RBFOX1: variants seen among roughly 807,000 people sequenced by gnomAD.
The protein encoded by RBFOX1 is RNA binding fox-1 homolog 1.
RBFOX1 carries 8 observed loss-of-function variants against 57.7 expected under a neutral mutation model. The observed-to-expected ratio is 0.14, with a 90% CI of 0.08 to 0.25. The LOEUF (loss-of-function observed/expected upper bound fraction) is 0.25, where lower values mean the gene tolerates loss of function less well. Among genes scored for constraint, RBFOX1 ranks in the 10% least tolerant of loss-of-function variants. The probability of loss-of-function intolerance (pLI) is 1.00; values close to 1 mark genes in which losing one functional copy is unlikely to be tolerated. For missense variants in RBFOX1, 611 were observed against 548.5 expected (o/e 1.11, Z -1.14); for synonymous variants, 326 against 222.4 (o/e 1.47, Z -4.15).
At chr16:6,394,507 C>CTT (rs35419519) in intron 2 of RBFOX1, among the ~76,000 whole-genome samples, 30 of 150,344 alleles carry the variant, frequency 2.0e-4, no homozygotes, top group Middle Eastern at 3.6e-3. Flanking sequence ...GGGAAAATTG[C>CTT]TTTTTTTTTG....
intron 2 of RBFOX1, among the ~76,000 whole-genome samples, chr16:6,546,513 T>C (rs944511455): frequency 3.9e-5 from 6 of 152,186 alleles, no homozygotes; most frequent in African/African-American, 7.2e-5. Context: ...CATATTGTGA[T>C]TGGCAGCTCC....
chr16:7,273,770 A>G (rs13329891), intron 4 of RBFOX1, among the ~76,000 whole-genome samples: 58,178 of 152,072 alleles, frequency 0.38, 12,536 homozygotes, highest in African/African-American at 0.58. Context: ...GATATTTGCC[A>G]TACCCATTTC....
chr16:5,884,546 C>A (rs544344941), intron 4 of RBFOX1, among the ~76,000 whole-genome samples: 2 of 150,322 alleles, frequency 1.3e-5, no homozygotes, highest in Admixed American at 1.3e-4. Context: ...GACCATGTGA[C>A]TGAGTTCTGC....
chr16:6,735,168 TCAACAA>T (rs1160248832), intron 3 of RBFOX1, among the ~76,000 whole-genome samples: 2 of 137,118 alleles, frequency 1.5e-5, no homozygotes, highest in Non-Finnish European at 3.1e-5. Context: ...AACAACAACA[TCAACAA>T]CAACAACATC....
chr16:7,020,378 C>T (rs1179025543), intron 3 of RBFOX1, among the ~76,000 whole-genome samples: 1 of 151,880 alleles, frequency 6.6e-6, no homozygotes, highest in East Asian at 2.0e-4. Flanking sequence ...GGCTGCCATG[C>T]CCAGCTACTT....
chr16:7,685,548 A>C (rs10492759), intron 14 of RBFOX1, among the ~76,000 whole-genome samples: 40,906 of 152,030 alleles, frequency 0.27, 5,767 homozygotes, highest in East Asian at 0.4. Context: ...CATGGTACTA[A>C]TTAGAATCAG....
chr16:7,480,512 T>C (rs1448073538), intron 4 of RBFOX1, among the ~76,000 whole-genome samples: 1 of 152,234 alleles, frequency 6.6e-6, no homozygotes, highest in East Asian at 1.9e-4. Flanking sequence ...TGTCACCGGC[T>C]CCGTTTAAAA....
intron 3 of RBFOX1, among the ~76,000 whole-genome samples, chr16:5,663,637 C>A (rs1431242472): frequency 1.3e-5 from 2 of 152,148 alleles, no homozygotes; most frequent in African/African-American, 4.8e-5. Flanking sequence ...ATGAAGGTAG[C>A]CAGCAGCTGT....
Position 7,579,818 on chromosome 16 carries a change from A to T in RBFOX1, c.312A>T (p.Thr104=), listed in dbSNP as rs1233185719. 2 of 1,614,114 alleles carry T rather than the reference A, an allele frequency of 1.2e-6. No homozygotes were observed. Among genetic ancestry groups the T allele is most frequent in the East Asian group, 2.2e-5 (1 of 44,860 alleles). The change falls in exon 6 of 16, where the codon ACA becomes ACT. Residue 104 remains threonine (T), a synonymous_variant. Transcript: ENST00000550418. ...CACCGACGGATGGCCAGCCCCAGAC[A>T]CAACCTTCTGAAAACACGGAAAACA... is the stretch of plus-strand genomic sequence containing the variant. The part of the protein sequence containing the change: ...DAAPTDGQPQ[T]QPSENTENKS...
At chr16:7,302,456 C>T (rs1010367976) in intron 4 of RBFOX1, among the ~76,000 whole-genome samples, 1 of 151,912 alleles carries the variant, frequency 6.6e-6, no homozygotes, top group African/African-American at 2.4e-5. Flanking sequence ...TTTGGGATGT[C>T]CCTGGTGGCC....
At chr16:6,789,068 C>T (rs968565966) in intron 3 of RBFOX1, among the ~76,000 whole-genome samples, 2 of 152,034 alleles carry the variant, frequency 1.3e-5, no homozygotes, top group African/African-American at 4.8e-5. Flanking sequence ...CGCGAAATTG[C>T]CTATTAAACA....
intron 1 of RBFOX1, among the ~76,000 whole-genome samples, chr16:6,229,775 G>T (rs1001617774): frequency 1.3e-5 from 2 of 150,752 alleles, no homozygotes; most frequent in African/African-American, 4.9e-5. Flanking sequence ...CCTTTCCACT[G>T]TTGGAAAATG....
At chr16:5,982,655 C>T (rs185812076) in intron 4 of RBFOX1, among the ~76,000 whole-genome samples, 10 of 152,276 alleles carry the variant, frequency 6.6e-5, no homozygotes, top group African/African-American at 2.4e-4. Flanking sequence ...AAGTGGGCTC[C>T]TGCTGAAATC....
chr16:5,246,398 A>G (rs1371032602), intron 1 of RBFOX1, among the ~76,000 whole-genome samples: 1 of 152,230 alleles, frequency 6.6e-6, no homozygotes, highest in Non-Finnish European at 1.5e-5. Context: ...GTATGTATAC[A>G]TTACAAAATG....
chr16:7,088,437 G>C (rs1002936732), intron 4 of RBFOX1, among the ~76,000 whole-genome samples: 1 of 152,218 alleles, frequency 6.6e-6, no homozygotes, highest in Middle Eastern at 3.4e-3. Context: ...ATGTGTGTCC[G>C]TATGTGTGTA....
chr16:6,616,733 C>A (rs1255961540), intron 2 of RBFOX1, among the ~76,000 whole-genome samples: 1 of 152,182 alleles, frequency 6.6e-6, no homozygotes, highest in Admixed American at 6.5e-5. Context: ...CCATGCCCGG[C>A]AATAAGTTTT....
At chr16:6,585,100 A>G (rs2097588734) in intron 2 of RBFOX1, among the ~76,000 whole-genome samples, 1 of 152,152 alleles carries the variant, frequency 6.6e-6, no homozygotes, top group African/African-American at 2.4e-5. Context: ...CACTTTCATA[A>G]TACACAATGG....
At chr16:5,397,959 C>G (rs555012164) in intron 1 of RBFOX1, among the ~76,000 whole-genome samples, 2 of 152,168 alleles carry the variant, frequency 1.3e-5, no homozygotes, top group Non-Finnish European at 2.9e-5. Context: ...GAGGTCCTTG[C>G]CCCCATGGAG....
At chr16:6,282,066 C>G (rs2076435190) in intron 1 of RBFOX1, among the ~76,000 whole-genome samples, 1 of 152,244 alleles carries the variant, frequency 6.6e-6, no homozygotes, top group East Asian at 1.9e-4. Flanking sequence ...AGAATATTAT[C>G]TCTGTACCAT....
Sources: allele counts gnomAD v4.1 joint callset (sites outside exome capture counted in the v4.1 genomes callset), GRCh38; gene constraint gnomAD v4.1.1; transcripts MANE v1.5; gene names NCBI Gene and HGNC (gene_info 2026-07-23, HGNC 2026-07-21).